DAB2: variants seen among roughly 807,000 people sequenced by gnomAD.
DAB2 encodes the protein DAB adaptor protein 2, also known as disabled homolog 2.
DAB2 carries 28 observed loss-of-function variants against 71.6 expected under a neutral mutation model. The ratio of observed to expected loss-of-function variants is 0.39; its 90% CI spans 0.29 to 0.54. DAB2 has a LOEUF of 0.54. Among genes scored for constraint, DAB2 ranks in the 20% least tolerant of loss-of-function variants. The probability of loss-of-function intolerance (pLI) is 0.68; values close to 1 mark genes in which losing one functional copy is unlikely to be tolerated. For missense variants in DAB2, 867 were observed against 928.8 expected, an observed-to-expected ratio of 0.93 and a Z score of 0.86; for synonymous variants, 345 against 339.7, an observed-to-expected ratio of 1.02 and a Z score of -0.17.
At chr5:39,379,812 T>A (rs1477349705) in intron 11 of DAB2, among the ~76,000 whole-genome samples, 1 of 151,436 alleles carries the variant, frequency 6.6e-6, no homozygotes, top group African/African-American at 2.4e-5. Flanking sequence ...TGAGGATCCC[T>A]GCTAGTGGAC....
chr5:39,381,368 T>A (rs1754976006), intron 11 of DAB2, 86 bp downstream of exon 11: 2 of 1,394,586 alleles, frequency 1.4e-6, no homozygotes, highest in Non-Finnish European at 9.9e-7. Flanking sequence ...TAAAACCCTC[T>A]GGGAGTATGA....
At chr5:39,410,690 T>C (rs1755704624) in intron 1 of DAB2, among the ~76,000 whole-genome samples, 1 of 152,092 alleles carries the variant, frequency 6.6e-6, no homozygotes, top group Non-Finnish European at 1.5e-5. Context: ...TTCAAAATCA[T>C]CTCCAGCTGT....
At chr5:39,410,580 C>T (rs1057024278) in intron 1 of DAB2, among the ~76,000 whole-genome samples, 1 of 152,044 alleles carries the variant, frequency 6.6e-6, no homozygotes, top group Non-Finnish European at 1.5e-5. Flanking sequence ...ACTTATTTGA[C>T]ATGAAAAATT....
In DAB2 at chr5:39,376,831, T is replaced by C; in HGVS notation, c.1956A>G (p.Lys652=). The C allele has an allele frequency of 6.2e-7, 1 of 1,614,140 alleles. No homozygotes were observed. Among genetic ancestry groups the C allele is most frequent in the Non-Finnish European group, 8.5e-7 (1 of 1,180,004 alleles). ...PLGDKEIKDV[K]EMFKDFQLRQ... ...GCAGTTGGAAATCCTTAAACATTTC[T>C]TTCACATCCTTGATCTCTTTATCCC... The change falls in exon 12 of 15, where the codon AAA becomes AAG. Residue 652 remains lysine, a synonymous_variant. Transcript: ENST00000320816.
In DAB2 at chr5:39,395,937, C is replaced by CTTT. The variant is rs3024228; in HGVS notation, c.-101-1519_-101-1517dup. On this transcript the variant is annotated intron_variant, in intron 1 of 14. Coordinates refer to ENST00000320816, the MANE Select transcript of DAB2 (RefSeq NM_001343.4). ...GAGGGAAGGCTAAGACACAGATATT[C>CTTT]TTTTTTTTTTTTTTTTTTTTTTTGA... is the stretch of plus-strand genomic sequence containing the variant. 4.8e-4 allele frequency among the ~76,000 whole-genome samples: 36 copies of CTTT among 74,852 alleles called. 4 individuals carry two copies. Among genetic ancestry groups the CTTT allele is most frequent in the South Asian group, 5.5e-4 (1 of 1,828 alleles). 49.1% of individuals were successfully genotyped at this position (74,852 alleles called of 152,430 possible). A position where few individuals can be genotyped will look rare whatever the true frequency, so the allele number is the denominator to read the frequency against.
chr5:39,373,815 G>C (rs568069990), intron 14 of DAB2, among the ~76,000 whole-genome samples: 2 of 152,256 alleles, frequency 1.3e-5, no homozygotes, highest in Admixed American at 6.5e-5. Flanking sequence ...TTGAATGGAA[G>C]GTGAGAATGA....
intron 1 of DAB2, among the ~76,000 whole-genome samples, chr5:39,424,164 C>T (rs1022816934): frequency 2.0e-5 from 3 of 151,984 alleles, no homozygotes; most frequent in Non-Finnish European, 4.4e-5. Flanking sequence ...TTTTAGAATT[C>T]TTACTTAATC....
intron 11 of DAB2, among the ~76,000 whole-genome samples, chr5:39,380,937 C>G (rs750738138): frequency 6.6e-6 from 1 of 152,162 alleles, no homozygotes; most frequent in Non-Finnish European, 1.5e-5. Context: ...TACCATACAC[C>G]TAGGAACACA....
chr5:39,408,308 TTAAC>T (rs1398635439), intron 1 of DAB2: 7 of 152,356 alleles, frequency 4.6e-5, no homozygotes, highest in Admixed American at 2.6e-4. Flanking sequence ...CAAGATCAGT[TTAAC>T]TAATCTAATT....
chr5:39,410,699 G>A (rs1479702020), intron 1 of DAB2, among the ~76,000 whole-genome samples: 2 of 151,710 alleles, frequency 1.3e-5, no homozygotes, highest in African/African-American at 4.8e-5. Context: ...ATCTCCAGCT[G>A]TAGATAATTT....
Position 39,376,942 on chromosome 5 carries a change from G to C in DAB2, c.1845C>G (p.Leu615=). The change falls in exon 12 of 15, where the codon CTC becomes CTG. Residue 615 remains leucine, a synonymous_variant. Coordinates refer to ENST00000320816, the MANE Select transcript of DAB2 (RefSeq NM_001343.4). ...STQPPSMHSS[L]LVTPPQPPPR... ...GAGGTGGCTGAGGAGGAGTGACCAGGAGAGAGGAGTGCATGGATGGGGGCT... is the reference window on the plus strand; with the variant it reads ...GAGGTGGCTGAGGAGGAGTGACCAGCAGAGAGGAGTGCATGGATGGGGGCT... 3.1e-6 allele frequency: 5 copies of C among 1,614,184 alleles called. No individual in the cohort carries two copies. The highest frequency in any genetic ancestry group is 4.2e-6 in the Non-Finnish European group (5 of 1,180,016).
At chr5:39,415,314 GT>G (rs768462424) in intron 1 of DAB2, among the ~76,000 whole-genome samples, 73 of 152,064 alleles carry the variant, frequency 4.8e-4, no homozygotes, top group Non-Finnish European at 4.9e-4. Flanking sequence ...ATACCTGAGG[GT>G]ATTGAAGAAT....
At chr5:39,385,196 A>G (rs1056595661) in intron 9 of DAB2, 5 of 152,194 alleles carry the variant, frequency 3.3e-5, no homozygotes, top group African/African-American at 1.2e-4. Flanking sequence ...AAATTTAATC[A>G]GAGAAATGGA....
intron 1 of DAB2, among the ~76,000 whole-genome samples, chr5:39,421,873 A>G (rs1427798507): frequency 6.7e-6 from 1 of 149,808 alleles, no homozygotes; most frequent in African/African-American, 2.5e-5. Flanking sequence ...CCTGGCCAAC[A>G]TGGTGAAACC....
In DAB2 at chr5:39,386,794, G is replaced by A. The variant is rs77594312; in HGVS notation, c.687+1511C>T. Among the ~76,000 whole-genome samples, 754 of 152,258 alleles carry A rather than the reference G, an allele frequency of 5.0e-3. 8 individuals carry two copies. The highest frequency in any genetic ancestry group is 0.017 in the African/African-American group (724 of 41,552). On this transcript the variant is annotated intron_variant, in intron 9 of 14. Coordinates refer to ENST00000320816, the MANE Select transcript of DAB2 (RefSeq NM_001343.4). ...CTCTTTGAATATTACTTGTTTGAAT[G>A]TCATTTATACTTGGGAAGTAAGTGT... is the stretch of plus-strand genomic sequence containing the variant.
chr5:39,378,265 T>C (rs9292740), intron 11 of DAB2, among the ~76,000 whole-genome samples: 7,094 of 152,272 alleles, frequency 0.047, 503 homozygotes, highest in East Asian at 0.21. Flanking sequence ...TGTTCTAATA[T>C]ACAGGGCACT....
chr5:39,390,713 G>T, intron 4 of DAB2, 138 bp from the exon 5 acceptor site: 1 of 590,508 alleles, frequency 1.7e-6, no homozygotes, highest in Non-Finnish European at 2.9e-6. Context: ...TTCATTTCTG[G>T]TTGAAGGCTA....
chr5:39,382,545 A>G lies in DAB2; in HGVS notation c.1341+73T>C. 2.1e-6 allele frequency: 3 copies of G among 1,434,350 alleles called. No individual in the cohort carries two copies. The South Asian group carries it at 3.9e-5, about 19-fold the overall frequency. The allele number at this position is 1,434,350 out of a possible 1,614,324, so 88.9% of individuals were successfully genotyped here. A position where few individuals can be genotyped will look rare whatever the true frequency, so the allele number is the denominator to read the frequency against. Reference sequence around the variant, plus strand: ...GGAAACTACGAGAGCAGCAGGAAAGAGAGCTTGCATCACACCACCCTTTGG... The same window carrying G: ...GGAAACTACGAGAGCAGCAGGAAAGGGAGCTTGCATCACACCACCCTTTGG... On this transcript the variant is annotated intron_variant, in intron 10 of 14. Transcript: ENST00000320816.
chr5:39,400,617 T>C (rs184161881), intron 1 of DAB2, among the ~76,000 whole-genome samples: 91 of 152,282 alleles, frequency 6.0e-4, no homozygotes, highest in African/African-American at 2.1e-3. Flanking sequence ...AAAGTGAGCA[T>C]AGTCTGTGTT....
Sources: allele counts gnomAD v4.1 joint callset (sites outside exome capture counted in the v4.1 genomes callset), GRCh38; gene constraint gnomAD v4.1.1; transcripts MANE v1.5; gene names NCBI Gene and HGNC (gene_info 2026-07-23, HGNC 2026-07-21).